Variants in MAGI3 observed in about 807,000 individuals in gnomAD.
MAGI3 encodes membrane associated guanylate kinase, WW and PDZ domain containing 3, also known as membrane-associated guanylate kinase, WW and PDZ domain-containing protein 3.
A neutral mutation model predicts 121.8 loss-of-function variants in MAGI3; 43 were observed. That is an observed-to-expected ratio of 0.35 (90% confidence interval 0.28 to 0.46). The LOEUF (loss-of-function observed/expected upper bound fraction) is 0.46, where lower values mean the gene tolerates loss of function less well. Ranked by LOEUF, MAGI3 falls within the 20% of genes least tolerant of loss-of-function variation. The probability of loss-of-function intolerance (pLI) is 1.00; values close to 1 mark genes in which losing one functional copy is unlikely to be tolerated. For missense variants in MAGI3, 1,547 were observed against 1,797.3 expected (o/e 0.86, Z 2.52); for synonymous variants, 553 against 639.3 (o/e 0.86, Z 2.04).
chr1:113,416,389 T>C (rs1178332658), intron 1 of MAGI3, among the ~76,000 whole-genome samples: 7 of 68,112 alleles, frequency 1.0e-4, no homozygotes, highest in Admixed American at 6.7e-4. Flanking sequence ...TAATAATATA[T>C]ATTAATTATT....
intron 1 of MAGI3, among the ~76,000 whole-genome samples, chr1:113,453,740 A>G (rs1216970713): frequency 6.6e-6 from 1 of 152,224 alleles, no homozygotes; most frequent in Non-Finnish European, 1.5e-5. Flanking sequence ...ATTCTTCTTT[A>G]GGGATAATTA....
At chr1:113,425,857 C>G (rs1652982364) in intron 1 of MAGI3, among the ~76,000 whole-genome samples, 1 of 151,972 alleles carries the variant, frequency 6.6e-6, no homozygotes, top group Non-Finnish European at 1.5e-5. Flanking sequence ...TTTTAAAAAC[C>G]TTCCAAAGAA....
chr1:113,606,339 T>C (rs1000259519), intron 6 of MAGI3, among the ~76,000 whole-genome samples: 6 of 152,206 alleles, frequency 3.9e-5, no homozygotes, highest in South Asian at 2.1e-4. Flanking sequence ...TTCCTTCTTA[T>C]GGTGAAATCA....
intron 1 of MAGI3, among the ~76,000 whole-genome samples, chr1:113,456,633 A>G (rs1654772493): frequency 6.6e-6 from 1 of 152,222 alleles, no homozygotes; most frequent in Non-Finnish European, 1.5e-5. Context: ...ATTAAAAATG[A>G]AAAACCACAT....
intron 2 of MAGI3, among the ~76,000 whole-genome samples, chr1:113,552,954 A>C (rs1027185629): frequency 4.6e-5 from 7 of 152,220 alleles, no homozygotes; most frequent in Non-Finnish European, 8.8e-5. Context: ...TGGAGCATAT[A>C]AGTGTATCAG....
chr1:113,610,454 A>AG (rs1436138606), intron 6 of MAGI3, among the ~76,000 whole-genome samples: 1 of 152,016 alleles, frequency 6.6e-6, no homozygotes, highest in Non-Finnish European at 1.5e-5. Context: ...AATGTCTCTC[A>AG]AATCTTTATC....
intron 1 of MAGI3, among the ~76,000 whole-genome samples, chr1:113,438,237 C>T (rs1653735352): frequency 6.6e-6 from 1 of 152,076 alleles, no homozygotes; most frequent in Admixed American, 6.6e-5. Flanking sequence ...CCAACTGTTC[C>T]TATTTACTTA....
chr1:113,438,648 C>T (rs1484160069), intron 1 of MAGI3, among the ~76,000 whole-genome samples: 1 of 152,082 alleles, frequency 6.6e-6, no homozygotes. Context: ...GGTGTGTTGC[C>T]TGGTGAGAGA....
chr1:113,525,333 T>G (rs1314054432), intron 1 of MAGI3, among the ~76,000 whole-genome samples: 1 of 152,190 alleles, frequency 6.6e-6, no homozygotes, highest in East Asian at 1.9e-4. Flanking sequence ...TCCTGACTCT[T>G]CAGTCTGTTA....
At chr1:113,477,375 T>G (rs950869149) in intron 1 of MAGI3, among the ~76,000 whole-genome samples, 2 of 152,222 alleles carry the variant, frequency 1.3e-5, no homozygotes, top group Non-Finnish European at 2.9e-5. Flanking sequence ...TGGTTGTTTC[T>G]TTCCATGTTT....
intron 1 of MAGI3, among the ~76,000 whole-genome samples, chr1:113,403,096 G>T (rs1369159892): frequency 6.6e-6 from 1 of 152,154 alleles, no homozygotes; most frequent in Non-Finnish European, 1.5e-5. Flanking sequence ...ATTGCTTAGG[G>T]AATCTTTTGA....
chr1:113,503,043 G>A (rs1481298097), intron 1 of MAGI3, among the ~76,000 whole-genome samples: 266 of 58,962 alleles, frequency 4.5e-3, no homozygotes, highest in African/African-American at 0.022. Context: ...ACAGGAAGGG[G>A]AATATCACAC....
intron 9 of MAGI3, among the ~76,000 whole-genome samples, chr1:113,627,230 T>C (rs1651300651): frequency 6.6e-6 from 1 of 152,078 alleles, no homozygotes. Flanking sequence ...TCCATGGGTT[T>C]GTATAGTTTC....
At chr1:113,570,727 T>G (rs1258828854) in intron 2 of MAGI3, among the ~76,000 whole-genome samples, 2 of 152,150 alleles carry the variant, frequency 1.3e-5, no homozygotes, top group South Asian at 4.1e-4. Flanking sequence ...TCGCCCAATT[T>G]TTGATGGGGT....
intron 1 of MAGI3, among the ~76,000 whole-genome samples, chr1:113,456,117 ATTTTTT>A (rs35038942): frequency 4.2e-4 from 48 of 113,248 alleles, no homozygotes; most frequent in Non-Finnish European, 5.7e-4. Context: ...CGCCCGGCTA[ATTTTTT>A]TTTTTTTTTT....
At chr1:113,568,083 A>G (rs908147292) in intron 2 of MAGI3, among the ~76,000 whole-genome samples, 7 of 152,228 alleles carry the variant, frequency 4.6e-5, no homozygotes, top group Admixed American at 4.6e-4. Flanking sequence ...TACTGACAGT[A>G]GGTCAGTAAC....
intron 1 of MAGI3, among the ~76,000 whole-genome samples, chr1:113,543,696 T>C (rs1407107569): frequency 6.6e-6 from 1 of 151,952 alleles, no homozygotes; most frequent in Non-Finnish European, 1.5e-5. Context: ...GACAAAACAC[T>C]GTCTCTACCA....
At chr1:113,636,904 G>T (rs1462332699) in intron 9 of MAGI3, among the ~76,000 whole-genome samples, 2 of 152,122 alleles carry the variant, frequency 1.3e-5, no homozygotes, top group African/African-American at 4.8e-5. Flanking sequence ...TTATGAATCT[G>T]GGTGCTCCTG....
intron 1 of MAGI3, among the ~76,000 whole-genome samples, chr1:113,425,475 G>T (rs893292144): frequency 6.6e-6 from 1 of 151,298 alleles, no homozygotes. Flanking sequence ...CAGTAGAGAC[G>T]GGATTTCACC....
Sources: allele counts gnomAD v4.1 joint callset (sites outside exome capture counted in the v4.1 genomes callset), GRCh38; gene constraint gnomAD v4.1.1; transcripts MANE v1.5; gene names NCBI Gene and HGNC (gene_info 2026-07-23, HGNC 2026-07-21).